Variants in ZNF814 observed in about 807,000 individuals in gnomAD.
The protein encoded by ZNF814 is zinc finger protein 814.
A neutral mutation model predicts 7.5 loss-of-function variants in ZNF814; 5 were observed. That is an observed-to-expected ratio of 0.67 (90% CI 0.35 to 1.40). The LOEUF (loss-of-function observed/expected upper bound fraction) is 1.40, where lower values mean the gene tolerates loss of function less well. Ranked by LOEUF, ZNF814 falls within the 40% of genes most tolerant of loss-of-function variation. The pLI is 0.04. For synonymous variants in ZNF814, 315 were observed against 340.7 expected, an observed-to-expected ratio of 0.92 and a Z score of 0.83; for missense variants, 962 against 1,018.0, an observed-to-expected ratio of 0.94 and a Z score of 0.75.
At chr19:57,897,110 AG>A in the ZNF814 span, among the ~76,000 whole-genome samples, 1 of 152,214 alleles carries the variant, frequency 6.6e-6, no homozygotes, top group Non-Finnish European at 1.5e-5. Context: ...TTTATTGCTC[AG>A]CTCCAGGAGG....
upstream of ZNF814, among the ~76,000 whole-genome samples, chr19:57,892,838 T>C (rs954234474): frequency 6.6e-6 from 1 of 152,192 alleles, no homozygotes; most frequent in Non-Finnish European, 1.5e-5. Flanking sequence ...TTTCTTATCT[T>C]TTCTGTTATT....
intron 1 of ZNF814, among the ~76,000 whole-genome samples, chr19:57,883,837 AACCTCC>A (rs1250455602): frequency 6.6e-6 from 1 of 151,536 alleles, no homozygotes; most frequent in Admixed American, 6.6e-5. Context: ...GGCTCACTGC[AACCTCC>A]ACCTCCCAGG....
Position 57,874,738 on chromosome 19 carries a change from C to T in ZNF814, c.652G>A (p.Glu218Lys). 2 of 1,609,502 alleles carry T rather than the reference C, an allele frequency of 1.2e-6. No homozygotes were observed. The highest frequency in any genetic ancestry group is 1.7e-6 in the Non-Finnish European group (2 of 1,177,612). Reference sequence around the variant, plus strand: ...TTGGTGCTAAAATGTTTCATGGATTCTCCACAGCTGTAGTGAGCTCCCCCA... The same window carrying T: ...TTGGTGCTAAAATGTTTCATGGATTTTCCACAGCTGTAGTGAGCTCCCCCA... Reference protein sequence around the residue: ...QCGGAHYSCGESMKHFSTKHI... With the variant: ...QCGGAHYSCGKSMKHFSTKHI... Residue 218 changes from glutamate (E) to lysine (K), a missense_variant, in exon 3 of 3, where the codon GAA (glutamate) becomes AAA (lysine). Physicochemically the swap from Glu to Lys is moderately conservative, Grantham distance 56. Transcript: ENST00000435989.
At position 57,876,911 on chromosome 19, in the gene ZNF814, C is replaced by A. The variant is rs762460510; in HGVS notation, c.163+5G>T. On this transcript the variant is annotated splice_donor_5th_base_variant and intron_variant, in intron 2 of 2. Transcript: ENST00000435989. ...CAGGTCACAGGGTGAGTGTGAGCAA[C>A]TTACCCAGGGAGGATATAAGTGCCA... 7 of 1,614,086 alleles carry A rather than the reference C, an allele frequency of 4.3e-6. No homozygotes were observed. The East Asian group carries it at 1.6e-4, about 36-fold the overall frequency.
At chr19:57,900,865 T>TTTTTTTTTTTTTTTTTTTTTTTTTTG in the ZNF814 span, among the ~76,000 whole-genome samples, 1 of 103,098 alleles carries the variant, frequency 9.7e-6, no homozygotes, top group Admixed American at 1.0e-4. Context: ...TTTTTTTTTT[T>TTTTTTTTTTTTTTTTTTTTTTTTTTG]GAGACGGAGT....
rs751585833 is a variant in ZNF814, at chr19:57,874,906, T to C, written c.484A>G (p.Lys162Glu). ...GATGACTCCCCTGACACATGCAACTTACACCTCTTTGCAAACAACGCCTCC... is the reference window on the plus strand; with the variant it reads ...GATGACTCCCCTGACACATGCAACTCACACCTCTTTGCAAACAACGCCTCC... Reference protein sequence around the residue: ...VEEALFAKRCKLHVSGESSVF... With the variant: ...VEEALFAKRCELHVSGESSVF... Residue 162 changes from lysine to glutamate, a missense_variant, in exon 3 of 3, where the codon AAG (lysine) becomes GAG (glutamate). Lys to Glu is a moderately conservative substitution (Grantham distance 56). Transcript: ENST00000435989. The C allele has an allele frequency of 2.6e-5, 42 of 1,613,506 alleles. No individual in the cohort carries two copies. Among genetic ancestry groups the C allele is most frequent in the African/African-American group, 6.7e-5 (5 of 74,928 alleles).
At chr19:57,897,939 T>TA in the ZNF814 span, among the ~76,000 whole-genome samples, 1 of 152,236 alleles carries the variant, frequency 6.6e-6, no homozygotes, top group Non-Finnish European at 1.5e-5. Flanking sequence ...AACAGCACTG[T>TA]AAAAAGAACA....
At chr19:57,876,570 G>A (rs1432725568) in intron 2 of ZNF814, 4 of 399,714 alleles carry the variant, frequency 1.0e-5, no homozygotes, top group South Asian at 7.7e-5. Context: ...GGCAATTCCT[G>A]CCACAGGAAG....
intron 2 of ZNF814, chr19:57,876,649 G>C: frequency 3.9e-6 from 2 of 507,222 alleles, no homozygotes; most frequent in Non-Finnish European, 6.9e-6. Flanking sequence ...ATCTGGACAA[G>C]GACACCCAAA....
At chr19:57,884,992 GAAGTGACCT>G (rs567060337) in intron 1 of ZNF814, among the ~76,000 whole-genome samples, 12 of 152,298 alleles carry the variant, frequency 7.9e-5, no homozygotes, top group African/African-American at 2.9e-4. Context: ...CTAAGACTTG[GAAGTGACCT>G]AAGTGGTCAT....
chr19:57,874,168 A>G lies in ZNF814; in HGVS notation c.1222T>C (p.Tyr408His), dbSNP rs757915353. Residue 408 changes from tyrosine (Y) to histidine (H), a missense_variant, in exon 3 of 3, where the codon TAT becomes CAT. By Grantham distance (83) the Tyr-to-His change is moderately conservative. This residue lies in a region of ZNF814 where 665 missense variants were observed against 551.4 expected (regional missense o/e 1.21). Transcript: ENST00000435989. ...GATTTCCCACATTCTCCACATTCAT[A>G]ATGTTTTTTGTCAGTGTGAACTCTC... ...HQRVHTDKKH[Y>H]ECGECGKSFS... is the part of the protein sequence containing the mutation. 1 of 1,583,018 alleles carries G rather than the reference A, an allele frequency of 6.3e-7. No homozygotes were observed. The highest frequency in any genetic ancestry group is 1.1e-5 in the South Asian group (1 of 88,392).
At chr19:57,885,388 C>T (rs532821992) in intron 1 of ZNF814, among the ~76,000 whole-genome samples, 1 of 150,286 alleles carries the variant, frequency 6.7e-6, no homozygotes, top group Admixed American at 6.6e-5. Flanking sequence ...CTCAGCACTT[C>T]GGGAGGCTGA....
Position 57,872,753 on chromosome 19 carries a change from C to T in ZNF814, c.*69G>A. The T allele has an allele frequency of 1.2e-6, 2 of 1,607,168 alleles. No homozygotes were observed. Among genetic ancestry groups the T allele is most frequent in the Admixed American group, 3.4e-5 (2 of 59,302 alleles). On this transcript the variant is annotated 3_prime_UTR_variant, in exon 3 of 3. Transcript: ENST00000435989. ...ATCACTGCATTCATATGGCCTTTCTCCAGTGTGAACTCTCTGGTGTGCAAT... is the reference window on the plus strand; with the variant it reads ...ATCACTGCATTCATATGGCCTTTCTTCAGTGTGAACTCTCTGGTGTGCAAT...
upstream of ZNF814, among the ~76,000 whole-genome samples, chr19:57,890,390 C>T (rs1394918424): frequency 3.9e-5 from 6 of 152,074 alleles, no homozygotes; most frequent in South Asian, 1.0e-3. Context: ...CAGAATTTTG[C>T]TCCTGTTGCC....
chr19:57,878,213 G>C (rs1317603447), intron 1 of ZNF814, among the ~76,000 whole-genome samples: 1 of 149,456 alleles, frequency 6.7e-6, no homozygotes, highest in Non-Finnish European at 1.5e-5. Flanking sequence ...AGCCTGATAA[G>C]AGGGACACCA....
chr19:57,880,706 A>C (rs1230909283), intron 1 of ZNF814, among the ~76,000 whole-genome samples: 1 of 145,616 alleles, frequency 6.9e-6, no homozygotes, highest in Non-Finnish European at 1.5e-5. Context: ...TCCGGGGTTC[A>C]AGCAATTCTC....
At chr19:57,889,651 G>A (rs907517878), upstream of ZNF814, among the ~76,000 whole-genome samples, 4 of 152,068 alleles carry the variant, frequency 2.6e-5, no homozygotes, top group Non-Finnish European at 5.9e-5. Flanking sequence ...GAACACCTGA[G>A]GTCAGGAGTT....
chr19:57,892,239 CTT>C (rs1321335639), upstream of ZNF814, among the ~76,000 whole-genome samples: 2 of 152,210 alleles, frequency 1.3e-5, no homozygotes, highest in Non-Finnish European at 2.9e-5. Context: ...GAGTTTGACT[CTT>C]TTCATTGACA....
chr19:57,896,833 C>A, the ZNF814 span, among the ~76,000 whole-genome samples: 1 of 152,162 alleles, frequency 6.6e-6, no homozygotes, highest in Non-Finnish European at 1.5e-5. The surrounding 1 kb of genome is among the most constrained non-coding windows in gnomAD (Gnocchi z 4.2). Flanking sequence ...TCAGTACTTA[C>A]AGTTTAAAAC....
Sources: gnomAD v4.1 joint callset for allele counts (sites outside exome capture counted in the v4.1 genomes callset) on GRCh38, gnomAD v4.1.1 for gene constraint, gnomAD v4.1.1 regional missense constraint, Gnocchi (gnomAD v3.1) non-coding constraint, MANE v1.5 for transcripts, NCBI Gene and HGNC (gene_info 2026-07-23, HGNC 2026-07-21) for gene names.